The following MALT1 variants were observed in gnomAD, a reference collection of about 807,000 sequenced individuals.
The protein encoded by MALT1 is mucosa-associated lymphoid tissue lymphoma translocation protein 1.
A neutral mutation model predicts 85.5 loss-of-function variants in MALT1; 36 were observed. That is an observed-to-expected ratio of 0.42 (90% CI 0.32 to 0.56). The LOEUF (loss-of-function observed/expected upper bound fraction) is 0.56. MALT1 is among the 20% of genes least tolerant of loss of function. The pLI is 0.10. For synonymous variants in MALT1, 359 were observed against 361.3 expected, an observed-to-expected ratio of 0.99 and a Z score of 0.07; for missense variants, 716 against 981.6, an observed-to-expected ratio of 0.73 and a Z score of 3.62.
At chr18:58,710,867 CCTT>C in intron 6 of MALT1, 51 bp from the exon 7 acceptor site, 1 of 1,233,082 alleles carries the variant, frequency 8.1e-7, no homozygotes, top group Non-Finnish European at 1.2e-6. Context: ...TGACGGCTGC[CCTT>C]CTTAAGATCA....
chr18:58,737,459 T>G (rs1333981106), intron 13 of MALT1, among the ~76,000 whole-genome samples: 4 of 144,846 alleles, frequency 2.8e-5, no homozygotes, highest in Non-Finnish European at 6.0e-5. Context: ...CCAGCATGTG[T>G]GACAGAGCAA....
In MALT1 at chr18:58,726,122, AT is replaced by A. The variant is rs567173994; in HGVS notation, c.1222+2873del. On this transcript the variant is annotated intron_variant, in intron 10 of 16. Coordinates refer to ENST00000649217, the MANE Select transcript of MALT1 (RefSeq NM_006785.4). ...AAGTAGAGAACCAGAAATATTAAAA[AT>A]TGTGACAAGACTGCAGTTTAGGCTG... is the stretch of plus-strand genomic sequence containing the variant. Among the ~76,000 whole-genome samples the A allele has an allele frequency of 9.2e-5, 14 of 152,334 alleles. No individual in the cohort carries two copies. In the South Asian group the frequency reaches 2.5e-3, roughly 27 times the overall value.
At chr18:58,694,299 A>G (rs1284882313) in intron 2 of MALT1, among the ~76,000 whole-genome samples, 1 of 152,216 alleles carries the variant, frequency 6.6e-6, no homozygotes. Context: ...TTTATTTAGT[A>G]TCTTTGTGCT....
chr18:58,729,030 C>A (rs2055106578), intron 10 of MALT1, among the ~76,000 whole-genome samples: 1 of 152,182 alleles, frequency 6.6e-6, no homozygotes, highest in African/African-American at 2.4e-5. Context: ...GAAAAGAGAC[C>A]TCCAGATCTG....
At chr18:58,742,822 ATAAC>A (rs1421874145) in intron 14 of MALT1, among the ~76,000 whole-genome samples, 1 of 152,246 alleles carries the variant, frequency 6.6e-6, no homozygotes, top group East Asian at 1.9e-4. Flanking sequence ...GATTATTCGT[ATAAC>A]TGAGCATCCT....
chr18:58,738,571 T>C (rs1317971258), intron 13 of MALT1, among the ~76,000 whole-genome samples: 1 of 142,718 alleles, frequency 7.0e-6, no homozygotes, highest in Non-Finnish European at 1.6e-5. Flanking sequence ...TGCCAGACAG[T>C]TTTGTAAAGT....
chr18:58,741,912 C>A lies in MALT1; in HGVS notation c.1651C>A (p.Arg551=). 1 of 1,563,496 alleles carries A rather than the reference C, an allele frequency of 6.4e-7. No homozygotes were observed. Among genetic ancestry groups the A allele is most frequent in the Non-Finnish European group, 8.8e-7 (1 of 1,142,594 alleles). Residue 551 remains arginine, a synonymous_variant, in exon 14 of 17, where the codon CGA becomes AGA. Transcript: ENST00000649217. ...CAAAGGCAAACAGGCTCTAGAGATT[C>A]GAAGTAGTTTATCTGAGAAGAGAGC... is the stretch of plus-strand genomic sequence containing the variant. ...LTKGKQALEI[R]SSLSEKRALT...
rs2055454131 is a variant in MALT1 at position 58,752,088 on chromosome 18, T to A, written c.*4246T>A. 6.6e-6 allele frequency: 1 copy of A among 152,234 alleles called. No individual in the cohort carries two copies. Among genetic ancestry groups the A allele is most frequent in the Non-Finnish European group, 1.5e-5 (1 of 68,042 alleles). 9.4% of individuals were successfully genotyped at this position (152,234 alleles called of 1,614,324 possible). On this transcript the variant is annotated 3_prime_UTR_variant, in exon 17 of 17. Transcript: ENST00000649217. ...GTGCAGCAGTCGCAATTTTTTGACT[T>A]GTCAAATTGAAGAAATTCAATTATG...
At chr18:58,720,837 A>G (rs2054972850) in intron 9 of MALT1, among the ~76,000 whole-genome samples, 1 of 152,172 alleles carries the variant, frequency 6.6e-6, no homozygotes, top group Non-Finnish European at 1.5e-5. Flanking sequence ...GCATTTTACT[A>G]CCCCAGTAAC....
chr18:58,671,680 C>A lies in MALT1; in HGVS notation c.37C>A (p.Pro13Thr). The A allele has an allele frequency of 8.0e-7, 1 of 1,246,104 alleles. No homozygotes were observed. Among genetic ancestry groups the A allele is most frequent in the South Asian group, 3.2e-5 (1 of 30,866 alleles). The allele number at this position is 1,246,104 out of a possible 1,614,324, so 77.2% of individuals were successfully genotyped here. A position where few individuals can be genotyped will look rare whatever the true frequency, so the allele number is the denominator to read the frequency against. ...GGGGGACCCGCTACAGGCCCTGCCG[C>A]CCTCGGCCGCCCCCACGGGGCCGCT... ...LLGDPLQALP[P>T]SAAPTGPLLA... is the part of the protein sequence containing the mutation. Residue 13 changes from proline to threonine, a missense_variant, in exon 1 of 17, where the codon CCC becomes ACC. Transcript: ENST00000649217.
chr18:58,727,616 G>GTTTTTGTTTTTT (rs2055077514), intron 10 of MALT1, among the ~76,000 whole-genome samples: 1 of 121,264 alleles, frequency 8.2e-6, no homozygotes, highest in African/African-American at 3.3e-5. Flanking sequence ...GGTTTTTTGT[G>GTTTTTGTTTTTT]TTTTTTTTTT....
intron 2 of MALT1, among the ~76,000 whole-genome samples, chr18:58,692,414 CTCTCTCTCT>C (rs1390881508): frequency 1.2e-5 from 1 of 83,018 alleles, no homozygotes; most frequent in Non-Finnish European, 2.7e-5. Flanking sequence ...ATTCCTCTCT[CTCTCTCTCT>C]CTCTCTCTCT....
chr18:58,732,562 T>C (rs2055165473), intron 10 of MALT1, among the ~76,000 whole-genome samples: 1 of 152,220 alleles, frequency 6.6e-6, no homozygotes, highest in Non-Finnish European at 1.5e-5. Context: ...TAACTGTTTA[T>C]GGTAATACCT....
In MALT1 at chr18:58,682,024, T is replaced by A. The variant is rs143542005; in HGVS notation, c.376+688T>A. On this transcript the variant is annotated intron_variant, in intron 2 of 16. Coordinates refer to ENST00000649217, the MANE Select transcript of MALT1 (RefSeq NM_006785.4). ...CCTGGTTGTGGCAGCACTGCAGACC[T>A]CCTTCTTTACCTGGGGATCCAGTGG... Among the ~76,000 whole-genome samples, 582 of 152,212 alleles carry A rather than the reference T, an allele frequency of 3.8e-3. 3 individuals carry two copies. Among genetic ancestry groups the A allele is most frequent in the Non-Finnish European group, 5.5e-3 (374 of 68,004 alleles).
intron 4 of MALT1, among the ~76,000 whole-genome samples, chr18:58,706,975 A>G (rs947907844): frequency 6.6e-6 from 1 of 151,968 alleles, no homozygotes; most frequent in African/African-American, 2.4e-5. Context: ...ACTCTTAATT[A>G]TATGTATGTT....
intron 9 of MALT1, among the ~76,000 whole-genome samples, chr18:58,718,644 G>A (rs1418351869): frequency 6.6e-6 from 1 of 152,212 alleles, no homozygotes; most frequent in East Asian, 1.9e-4. Context: ...AAAGGTTGGG[G>A]ACCGCTGCTT....
chr18:58,687,068 T>A (rs2054415218), intron 2 of MALT1, among the ~76,000 whole-genome samples: 1 of 152,208 alleles, frequency 6.6e-6, no homozygotes, highest in South Asian at 2.1e-4. Context: ...GTTGCCTCTT[T>A]GACCCATGGA....
intron 9 of MALT1, among the ~76,000 whole-genome samples, chr18:58,717,943 A>G (rs140166098): frequency 1.1e-4 from 16 of 152,332 alleles, no homozygotes; most frequent in Admixed American, 4.6e-4. Context: ...TGTCTTAGGT[A>G]CACAAAATGA....
chr18:58,715,521 A>C (rs2144402559), intron 8 of MALT1, among the ~76,000 whole-genome samples: 1 of 152,282 alleles, frequency 6.6e-6, no homozygotes, highest in Non-Finnish European at 1.5e-5. Flanking sequence ...TAGAGGGTGA[A>C]AGCATAGAAT....
Sources: allele counts gnomAD v4.1 joint callset (sites outside exome capture counted in the v4.1 genomes callset), GRCh38; gene constraint gnomAD v4.1.1; transcripts MANE v1.5; gene names NCBI Gene and HGNC (gene_info 2026-07-23, HGNC 2026-07-21).